Variants in LRP2 observed in about 807,000 individuals in gnomAD.
LRP2 encodes the protein LDL receptor related protein 2, also known as low-density lipoprotein receptor-related protein 2.
A neutral mutation model predicts 531.0 loss-of-function variants in LRP2; 172 were observed. The ratio of observed to expected loss-of-function variants is 0.32; its 90% CI spans 0.29 to 0.37. The LOEUF (loss-of-function observed/expected upper bound fraction) is 0.37, where lower values mean the gene tolerates loss of function less well. Among genes scored for constraint, LRP2 ranks in the 10% least tolerant of loss-of-function variants. The pLI, the probability that LRP2 is intolerant of heterozygous loss-of-function variation, is 1.00. For synonymous variants in LRP2, 1,992 were observed against 2,027.6 expected (o/e 0.98, Z 0.47); for missense variants, 5,167 against 5,868.3 (o/e 0.88, Z 3.90).
At chr2:169,217,735 A>C (rs1688850705) in intron 34 of LRP2, among the ~76,000 whole-genome samples, 2 of 152,132 alleles carry the variant, frequency 1.3e-5, no homozygotes, top group African/African-American at 4.8e-5. Context: ...CATGTTCCGC[A>C]TATTGACTAT....
At chr2:169,349,621 C>T (rs1215439148) in intron 1 of LRP2, among the ~76,000 whole-genome samples, 1 of 152,154 alleles carries the variant, frequency 6.6e-6, no homozygotes, top group Non-Finnish European at 1.5e-5. Flanking sequence ...GCAATCAGCT[C>T]CTTTGGGGTC....
intron 46 of LRP2, among the ~76,000 whole-genome samples, chr2:169,194,784 G>C (rs1403085451): frequency 6.8e-6 from 1 of 147,942 alleles, no homozygotes; most frequent in Non-Finnish European, 1.5e-5. Context: ...GCAGTGGTGC[G>C]ATCTCGGCTC....
At chr2:169,263,655 A>C (rs1285808660) in intron 16 of LRP2, among the ~76,000 whole-genome samples, 1 of 151,518 alleles carries the variant, frequency 6.6e-6, no homozygotes, top group East Asian at 1.9e-4. Context: ...GTGGGACTGT[A>C]AACTAGTTCA....
chr2:169,355,839 GA>G (rs574379405), intron 1 of LRP2, among the ~76,000 whole-genome samples: 2 of 151,672 alleles, frequency 1.3e-5, no homozygotes, highest in East Asian at 1.9e-4. Flanking sequence ...TTCTGCATAG[GA>G]AAAAAAATCA....
intron 6 of LRP2, among the ~76,000 whole-genome samples, chr2:169,292,832 C>CA (rs59783436): frequency 1.2e-4 from 13 of 107,060 alleles, no homozygotes; most frequent in African/African-American, 4.4e-4. Context: ...GACCCTGTCT[C>CA]AAAAAAAAAA....
chr2:169,213,408 T>C (rs1299994505), intron 36 of LRP2, among the ~76,000 whole-genome samples: 1 of 152,190 alleles, frequency 6.6e-6, no homozygotes, highest in African/African-American at 2.4e-5. Flanking sequence ...AGTAAGGAAT[T>C]GAAAGTAATG....
chr2:169,279,263 C>A (rs1401627677), intron 12 of LRP2, 109 bp downstream of exon 12: 2 of 831,952 alleles, frequency 2.4e-6, no homozygotes, highest in African/African-American at 1.7e-5. Flanking sequence ...AGTATACAGC[C>A]TAAAAGAAAT....
rs1395522144 is a variant in LRP2, at chr2:169,182,166, C to A, written c.9998+1G>T. Reference sequence around the variant, plus strand: ...AGCCCAGGATTGCAGGGAGACAATACCCATATTGAGGGTGAAGGGCAAGTC... The same window carrying A: ...AGCCCAGGATTGCAGGGAGACAATAACCATATTGAGGGTGAAGGGCAAGTC... On this transcript the variant is annotated splice_donor_variant, in intron 51 of 78. Coordinates refer to ENST00000649046, the MANE Select transcript of LRP2 (RefSeq NM_004525.3). LOFTEE classifies it high-confidence loss of function. The A allele has an allele frequency of 6.2e-7, 1 of 1,614,008 alleles. No individual in the cohort carries two copies.
chr2:169,132,436 T>C lies in LRP2; in HGVS notation c.13728+138A>G, dbSNP rs74839579. On this transcript the variant is annotated intron_variant, in intron 77 of 78. Coordinates refer to ENST00000649046, the MANE Select transcript of LRP2 (RefSeq NM_004525.3). Reference sequence around the variant, plus strand: ...TTCAATCTATGACTTTTTAAAAAATTATATTTATTAACTGTCAACACATCT... The same window carrying C: ...TTCAATCTATGACTTTTTAAAAAATCATATTTATTAACTGTCAACACATCT... 225 of 642,358 alleles carry C rather than the reference T, an allele frequency of 3.5e-4. 1 individual carries two copies. Among genetic ancestry groups the C allele is most frequent in the Middle Eastern group, 2.8e-3 (11 of 3,958 alleles). The allele number at this position is 642,358 out of a possible 1,614,324, so 39.8% of individuals were successfully genotyped here.
Position 169,154,441 on chromosome 2 carries a change from T to G in LRP2, c.12295+19A>C, listed in dbSNP as rs1320852253. On this transcript the variant is annotated intron_variant, in intron 66 of 78. Transcript: ENST00000649046. ...AAAGTCACTTAATATCAATGAAAGA[T>G]GCCAAAGTTTATACTCACTGAGGCC... 1.2e-6 allele frequency: 2 copies of G among 1,607,474 alleles called. No individual in the cohort carries two copies. Among genetic ancestry groups the G allele is most frequent in the Non-Finnish European group, 1.7e-6 (2 of 1,174,148 alleles).
chr2:169,189,513 A>G (rs1002477724), intron 48 of LRP2, among the ~76,000 whole-genome samples: 1 of 152,212 alleles, frequency 6.6e-6, no homozygotes, highest in East Asian at 1.9e-4. Flanking sequence ...GTCATCAAGC[A>G]AATCACCAAG....
At position 169,173,252 on chromosome 2, in the gene LRP2, G is replaced by A. The variant is rs765261763; in HGVS notation, c.11015-28C>T. 41 of 1,613,704 alleles carry A rather than the reference G, an allele frequency of 2.5e-5. No individual in the cohort carries two copies. The South Asian group carries it at 4.1e-4, about 16-fold the overall frequency. On this transcript the variant is annotated intron_variant, in intron 56 of 78. Transcript: ENST00000649046. ...GAAAAGGGAGGAGGCATCAAAGTCA[G>A]AACTGAAGGTACAAGAAAGCACCTT...
At chr2:169,219,976 G>C (rs1040580254) in intron 34 of LRP2, among the ~76,000 whole-genome samples, 2 of 151,930 alleles carry the variant, frequency 1.3e-5, no homozygotes, top group Non-Finnish European at 2.9e-5. Flanking sequence ...CTCTGGTTCC[G>C]GCTCTCCCCA....
At chr2:169,192,466 A>C (rs2105312021) in intron 47 of LRP2, among the ~76,000 whole-genome samples, 1 of 52,898 alleles carries the variant, frequency 1.9e-5, no homozygotes, top group Non-Finnish European at 3.1e-5. Context: ...CTGAAGCTCA[A>C]AGATGGTTAA....
Position 169,145,861 on chromosome 2 carries a change from C to T in LRP2, c.12874G>A (p.Gly4292Arg). 1 of 1,614,122 alleles carries T rather than the reference C, an allele frequency of 6.2e-7. No individual in the cohort carries two copies. Among genetic ancestry groups the T allele is most frequent in the Non-Finnish European group, 8.5e-7 (1 of 1,179,990 alleles). ...DQLYWISKEK[G>R]EVWKQNKFGQ... Reference sequence around the variant, plus strand: ...AATTTATTTTGTTTCCATACTTCTCCCTTTTCCTTAGATATCCAGTATAAC... The same window carrying T: ...AATTTATTTTGTTTCCATACTTCTCTCTTTTCCTTAGATATCCAGTATAAC... Residue 4292 changes from glycine to arginine, a missense_variant, in exon 70 of 79, where the codon GGA (glycine) becomes AGA (arginine). Coordinates refer to ENST00000649046, the MANE Select transcript of LRP2 (RefSeq NM_004525.3).
At position 169,233,582 on chromosome 2, in the gene LRP2, G is replaced by A. The variant is rs140789320; in HGVS notation, c.4927C>T (p.Arg1643Trp). 58 of 1,613,952 alleles carry A rather than the reference G, an allele frequency of 3.6e-5. No homozygotes were observed. Among genetic ancestry groups the A allele is most frequent in the Middle Eastern group, 1.7e-4 (1 of 6,056 alleles). ...RQVIASDLII[R>W]HPYALTLFED... The stretch of plus-strand genomic sequence containing the variant: ...AAGAGAGTTAGGGCATAGGGGTGCC[G>A]TATAATCTGTGAGGCAGAAGAGAAC... Residue 1643 changes from arginine (R) to tryptophan (W), a missense_variant, in exon 30 of 79, where the codon CGG becomes TGG. Arg to Trp is a moderately radical substitution (Grantham distance 101, BLOSUM62 -3). Coordinates refer to ENST00000649046, the MANE Select transcript of LRP2 (RefSeq NM_004525.3).
chr2:169,238,578 C>T (rs952871239), intron 26 of LRP2, among the ~76,000 whole-genome samples: 6 of 151,992 alleles, frequency 3.9e-5, no homozygotes, highest in African/African-American at 9.7e-5. Context: ...GTAAACTATG[C>T]TTACATTCTT....
At chr2:169,268,787 C>G (rs1010317939) in intron 16 of LRP2, among the ~76,000 whole-genome samples, 13 of 152,100 alleles carry the variant, frequency 8.5e-5, no homozygotes, top group African/African-American at 3.1e-4. Flanking sequence ...AAAGGGTATT[C>G]AATTAGGAAA....
At chr2:169,135,255 C>T (rs972812728) in intron 76 of LRP2, among the ~76,000 whole-genome samples, 50 of 152,130 alleles carry the variant, frequency 3.3e-4, no homozygotes, top group African/African-American at 1.1e-3. Flanking sequence ...TTCTCAGGCC[C>T]CCTCCCTTCC....
Sources: gnomAD v4.1 joint callset for allele counts (sites outside exome capture counted in the v4.1 genomes callset) on GRCh38, gnomAD v4.1.1 for gene constraint, MANE v1.5 for transcripts, NCBI Gene and HGNC (gene_info 2026-07-23, HGNC 2026-07-21) for gene names.